Variants in PUDP observed in about 807,000 individuals in gnomAD.
The protein encoded by PUDP is pseudouridine-5'-phosphatase.
Under a neutral mutation model 9.4 loss-of-function variants are expected in PUDP, and 8 were observed. The ratio of observed to expected loss-of-function variants is 0.85; its 90% CI spans 0.50 to 1.53. The LOEUF (loss-of-function observed/expected upper bound fraction) is 1.53, where lower values mean the gene tolerates loss of function less well. PUDP is among the 40% of genes most tolerant of loss of function. The pLI is 0.00. For missense variants in PUDP, 188 were observed against 189.7 expected (o/e 0.99, Z 0.05); for synonymous variants, 99 against 80.7 (o/e 1.23, Z -1.22).
chrX:7,099,020 T>C (rs1475369012), intron 2 of PUDP, among the ~76,000 whole-genome samples: 1 of 112,129 alleles, frequency 8.9e-6, no homozygotes, highest in East Asian at 2.8e-4. Context: ...TACCATGCCC[T>C]GGGCTCTTCC....
chrX:6,910,191 C>T (rs925355010), intron 3 of PUDP, among the ~76,000 whole-genome samples: 11 of 112,102 alleles, frequency 9.8e-5, no homozygotes, highest in African/African-American at 3.6e-4. Context: ...GATGAAGTTT[C>T]CCCGTAGCCC....
chrX:6,858,157 A>G (rs1926936084), intron 3 of PUDP, among the ~76,000 whole-genome samples: 1 of 110,912 alleles, frequency 9.0e-6, no homozygotes, highest in Non-Finnish European at 1.9e-5. Context: ...CAAAACATGG[A>G]TAAGAACTCT....
In PUDP at chrX:6,777,552, T is replaced by C. The variant is rs757028057; in HGVS notation, c.*248-71086A>G. 4.4e-5 allele frequency among the ~76,000 whole-genome samples: 5 copies of C among 112,535 alleles called. No homozygotes were observed. In the South Asian group the frequency reaches 1.9e-3, roughly 42 times the overall value. ...AACTGTATGAATGCACTCCTTAAAT[T>C]TCTGGGAGTTGGTTCACCTTAGGCA... is the stretch of plus-strand genomic sequence containing the variant. On this transcript the variant is annotated intron_variant and NMD_transcript_variant, in intron 3 of 3. Coordinates refer to the PUDP transcript ENST00000655425.
At chrX:6,749,830 G>A (rs1030608936) in intron 3 of PUDP, among the ~76,000 whole-genome samples, 8 of 111,712 alleles carry the variant, frequency 7.2e-5, no homozygotes, top group African/African-American at 2.3e-4. Context: ...TCATGCGACC[G>A]TGAAAATGGC....
At chrX:7,054,083 C>T (rs1930172618) in intron 3 of PUDP, among the ~76,000 whole-genome samples, 1 of 111,706 alleles carries the variant, frequency 9.0e-6, no homozygotes, top group South Asian at 3.8e-4. Flanking sequence ...GGCGAAAAGT[C>T]AAGGTTGGTA....
intron 3 of PUDP, among the ~76,000 whole-genome samples, chrX:6,782,901 T>A (rs1271188664): frequency 8.9e-6 from 1 of 112,205 alleles, no homozygotes; most frequent in Admixed American, 9.5e-5. Flanking sequence ...ATTTCTCTCC[T>A]GCTGCAAAGA....
At chrX:7,093,805 C>T (rs1264093676) in intron 2 of PUDP, among the ~76,000 whole-genome samples, 1 of 112,046 alleles carries the variant, frequency 8.9e-6, no homozygotes, top group Admixed American at 9.5e-5. Context: ...AACCACCACA[C>T]ATTTAGAAAC....
At chrX:6,746,033 G>A (rs1395400590) in intron 3 of PUDP, among the ~76,000 whole-genome samples, 1 of 111,946 alleles carries the variant, frequency 8.9e-6, no homozygotes. Flanking sequence ...AGCCCCCCTG[G>A]GGCTGTGGCT....
chrX:6,990,138 C>T (rs1219220783), intron 1 of PUDP, among the ~76,000 whole-genome samples: 2 of 111,335 alleles, frequency 1.8e-5, no homozygotes, highest in Admixed American at 9.5e-5. Flanking sequence ...TGCACACACA[C>T]ACACACACAC....
intron 1 of PUDP, among the ~76,000 whole-genome samples, chrX:7,111,066 C>T (rs1225728072): frequency 3.6e-5 from 4 of 110,894 alleles, no homozygotes; most frequent in African/African-American, 1.3e-4. Flanking sequence ...GTGGTTTCCC[C>T]CATGCTGTTC....
chrX:6,747,113 G>A (rs945443328), intron 3 of PUDP, among the ~76,000 whole-genome samples: 8 of 111,263 alleles, frequency 7.2e-5, no homozygotes, highest in Non-Finnish European at 1.1e-4. Flanking sequence ...CCATTTTGAC[G>A]GGCATGATTG....
intron 3 of PUDP, among the ~76,000 whole-genome samples, chrX:6,972,812 A>G (rs1223137443): frequency 1.8e-5 from 2 of 111,949 alleles, no homozygotes; most frequent in Non-Finnish European, 3.8e-5. Flanking sequence ...CTCTGGTAGA[A>G]TTCAGCTCTG....
intron 3 of PUDP, among the ~76,000 whole-genome samples, chrX:6,757,198 G>A (rs1424380669): frequency 9.0e-6 from 1 of 111,640 alleles, no homozygotes; most frequent in Non-Finnish European, 1.9e-5. Flanking sequence ...AGTAGATAGA[G>A]CCGGATGATC....
intron 1 of PUDP, among the ~76,000 whole-genome samples, chrX:6,982,623 T>G (rs531973484): frequency 1.8e-5 from 2 of 112,088 alleles, no homozygotes; most frequent in South Asian, 7.5e-4. Flanking sequence ...ATTGGGGAAG[T>G]TGCAAATCTT....
chrX:6,829,277 T>C (rs1926470201), intron 3 of PUDP, among the ~76,000 whole-genome samples: 1 of 111,719 alleles, frequency 9.0e-6, no homozygotes, highest in South Asian at 3.8e-4. Flanking sequence ...GAAAGACATC[T>C]TGGTTGCTTC....
chrX:7,028,398 C>T (rs1365709438), intron 1 of PUDP, among the ~76,000 whole-genome samples: 2 of 110,999 alleles, frequency 1.8e-5, no homozygotes, highest in South Asian at 3.8e-4. Flanking sequence ...TTACCCTGCC[C>T]AGTCACAAGA....
At chrX:6,803,789 G>A (rs1182054225) in intron 3 of PUDP, among the ~76,000 whole-genome samples, 1 of 111,817 alleles carries the variant, frequency 8.9e-6, no homozygotes, top group Non-Finnish European at 1.9e-5. Context: ...TGAAACTCAC[G>A]GATTAACAGT....
chrX:6,780,794 C>T (rs1235746598), intron 3 of PUDP, among the ~76,000 whole-genome samples: 4 of 111,003 alleles, frequency 3.6e-5, no homozygotes, highest in Admixed American at 9.6e-5. Flanking sequence ...CAGTGCCTCA[C>T]GCCTACAATC....
chrX:6,980,983 C>T (rs1473201993), intron 1 of PUDP, among the ~76,000 whole-genome samples: 1 of 111,316 alleles, frequency 9.0e-6, no homozygotes, highest in Non-Finnish European at 1.9e-5. Flanking sequence ...TTATTTCCCA[C>T]TAGAGAAAGC....
Sources: allele counts gnomAD v4.1 joint callset (sites outside exome capture counted in the v4.1 genomes callset), GRCh38; gene constraint gnomAD v4.1.1; transcripts MANE v1.5; gene names NCBI Gene and HGNC (gene_info 2026-07-23, HGNC 2026-07-21).